The following HPSE2 variants were observed in gnomAD, a reference collection of about 807,000 sequenced individuals.
The protein encoded by HPSE2 is heparanase 2 (inactive), also known as inactive heparanase-2.
In HPSE2, 38 loss-of-function variants were observed where a neutral mutation model predicts 60.5. The observed-to-expected ratio is 0.63, with a 90% CI of 0.48 to 0.82. The LOEUF is 0.82. HPSE2 is among the 40% of genes least tolerant of loss of function. The pLI is 0.00. For missense variants in HPSE2, 713 were observed against 740.4 expected (o/e 0.96, Z 0.43); for synonymous variants, 295 against 293.2 (o/e 1.01, Z -0.06).
chr10:99,174,697 C>T (rs1847452584), intron 2 of HPSE2, among the ~76,000 whole-genome samples: 1 of 152,112 alleles, frequency 6.6e-6, no homozygotes, highest in South Asian at 2.1e-4. Context: ...AAGCCCTAAC[C>T]CCCGGTACCT....
At chr10:98,788,650 C>T (rs918698131) in intron 3 of HPSE2, among the ~76,000 whole-genome samples, 4 of 152,192 alleles carry the variant, frequency 2.6e-5, no homozygotes, top group Non-Finnish European at 2.9e-5. Context: ...TCTCGTGGTG[C>T]GCTGTTTCTT....
intron 3 of HPSE2, among the ~76,000 whole-genome samples, chr10:99,104,781 A>C (rs1310087450): frequency 6.6e-6 from 1 of 152,150 alleles, no homozygotes; most frequent in African/African-American, 2.4e-5. Context: ...CTGAAGGTGG[A>C]AACCATCATT....
At chr10:99,200,912 A>G (rs1848555038) in intron 2 of HPSE2, among the ~76,000 whole-genome samples, 1 of 152,186 alleles carries the variant, frequency 6.6e-6, no homozygotes, top group Non-Finnish European at 1.5e-5. Context: ...CCATGTACCA[A>G]TACTTGGAAA....
chr10:99,281,469 T>C, the HPSE2 span, among the ~76,000 whole-genome samples: 1 of 151,956 alleles, frequency 6.6e-6, no homozygotes, highest in Non-Finnish European at 1.5e-5. Flanking sequence ...AAGAAATCAG[T>C]AATTGTTGCT....
the HPSE2 span, among the ~76,000 whole-genome samples, chr10:99,315,234 A>T: frequency 6.6e-6 from 1 of 152,160 alleles, no homozygotes; most frequent in African/African-American, 2.4e-5. Flanking sequence ...CACAAGGTGC[A>T]TGACAGTTCC....
chr10:98,745,445 T>G (rs1949606780), intron 3 of HPSE2, among the ~76,000 whole-genome samples: 1 of 152,174 alleles, frequency 6.6e-6, no homozygotes, highest in Non-Finnish European at 1.5e-5. Context: ...CCAGTTTTAC[T>G]CAATCCTCAA....
chr10:98,619,826 A>C (rs1227356989), intron 8 of HPSE2, among the ~76,000 whole-genome samples: 3 of 152,204 alleles, frequency 2.0e-5, no homozygotes, highest in Non-Finnish European at 2.9e-5. Flanking sequence ...CCAGTCACAG[A>C]AATACTTCAT....
intron 4 of HPSE2, among the ~76,000 whole-genome samples, chr10:98,722,999 A>G (rs1240479590): frequency 6.6e-6 from 1 of 152,076 alleles, no homozygotes; most frequent in Non-Finnish European, 1.5e-5. Context: ...TTCTAACACT[A>G]TGTTGAATAG....
chr10:98,552,990 A>T (rs1239627229), intron 9 of HPSE2, among the ~76,000 whole-genome samples: 1 of 152,208 alleles, frequency 6.6e-6, no homozygotes, highest in Admixed American at 6.5e-5. Flanking sequence ...CCTGCAAAAG[A>T]CCCTTAATAA....
At chr10:98,682,380 T>G (rs1446277525) in intron 6 of HPSE2, among the ~76,000 whole-genome samples, 1 of 152,196 alleles carries the variant, frequency 6.6e-6, no homozygotes, top group Non-Finnish European at 1.5e-5. Context: ...CTTTATAAGT[T>G]ACTCTGTCTC....
chr10:98,492,138 C>T (rs1014041973), intron 9 of HPSE2, among the ~76,000 whole-genome samples: 3 of 152,104 alleles, frequency 2.0e-5, no homozygotes, highest in Non-Finnish European at 4.4e-5. Context: ...TTGGGTATAG[C>T]CATTACCTTT....
chr10:98,891,014 T>C (rs1953321789), intron 3 of HPSE2, among the ~76,000 whole-genome samples: 1 of 152,214 alleles, frequency 6.6e-6, no homozygotes, highest in Non-Finnish European at 1.5e-5. Context: ...TCACTATATT[T>C]TCTGATAGGT....
At chr10:98,520,881 A>G (rs969797596) in intron 9 of HPSE2, among the ~76,000 whole-genome samples, 4 of 152,166 alleles carry the variant, frequency 2.6e-5, no homozygotes, top group Admixed American at 2.6e-4. Flanking sequence ...CAAAAACAAG[A>G]AATGGGGAAA....
At chr10:98,754,342 T>G (rs1370990327) in intron 3 of HPSE2, among the ~76,000 whole-genome samples, 1 of 152,040 alleles carries the variant, frequency 6.6e-6, no homozygotes, top group Non-Finnish European at 1.5e-5. Context: ...AGAAAACCTC[T>G]GAGAAATATG....
the HPSE2 span, among the ~76,000 whole-genome samples, chr10:99,262,672 T>G: frequency 6.6e-6 from 1 of 152,220 alleles, no homozygotes; most frequent in African/African-American, 2.4e-5. Flanking sequence ...TCCTTACAAT[T>G]GCCCCATTTT....
At chr10:98,924,495 A>C (rs1954387895) in intron 3 of HPSE2, 1 of 152,264 alleles carries the variant, frequency 6.6e-6, no homozygotes, top group African/African-American at 2.4e-5. Flanking sequence ...AAAGGAAGTA[A>C]AGTGGAGGGA....
At chr10:99,304,731 A>T in the HPSE2 span, among the ~76,000 whole-genome samples, 8 of 152,208 alleles carry the variant, frequency 5.3e-5, no homozygotes, top group Non-Finnish European at 8.8e-5. Context: ...GTATGTGCTC[A>T]CTCCTGGGAC....
intron 3 of HPSE2, among the ~76,000 whole-genome samples, chr10:99,136,049 T>G (rs1214956551): frequency 6.6e-6 from 1 of 151,770 alleles, no homozygotes; most frequent in African/African-American, 2.4e-5. Flanking sequence ...AAAAATGATA[T>G]AGGTGATATC....
At chr10:99,105,839 C>T (rs1264367980) in intron 3 of HPSE2, among the ~76,000 whole-genome samples, 2 of 151,562 alleles carry the variant, frequency 1.3e-5, no homozygotes, top group Admixed American at 6.6e-5. Flanking sequence ...TTTTTTAATC[C>T]GAATATCCAC....
Sources: allele counts gnomAD v4.1 joint callset (sites outside exome capture counted in the v4.1 genomes callset), GRCh38; gene constraint gnomAD v4.1.1; transcripts MANE v1.5; gene names NCBI Gene and HGNC (gene_info 2026-07-23, HGNC 2026-07-21).